Variants in C1QTNF2 observed in about 807,000 individuals in gnomAD.
The protein encoded by C1QTNF2 is C1q and TNF related 2.
In C1QTNF2, 15 loss-of-function variants were observed where a neutral mutation model predicts 17.4. The observed-to-expected ratio is 0.86, with a 90% CI of 0.58 to 1.33. The LOEUF is 1.33. C1QTNF2 is among the 40% of genes most tolerant of loss of function. The pLI, the probability that C1QTNF2 is intolerant of heterozygous loss-of-function variation, is 0.00. For synonymous variants in C1QTNF2, 154 were observed against 163.3 expected (o/e 0.94, Z 0.44); for missense variants, 381 against 392.3 (o/e 0.97, Z 0.24).
At chr5:160,364,355 C>T (rs1042044778) in intron 1 of C1QTNF2, among the ~76,000 whole-genome samples, 2 of 152,178 alleles carry the variant, frequency 1.3e-5, no homozygotes, top group Non-Finnish European at 2.9e-5. Flanking sequence ...CTCCTCCTCT[C>T]CAACATGAAC....
At chr5:160,351,221 T>C (rs1291906666) in intron 2 of C1QTNF2, among the ~76,000 whole-genome samples, 1 of 152,224 alleles carries the variant, frequency 6.6e-6, no homozygotes, top group Non-Finnish European at 1.5e-5. Flanking sequence ...AATGCACATT[T>C]CTCTCAATCC....
In C1QTNF2 at chr5:160,349,371, G is replaced by A. The variant is rs552227383; in HGVS notation, c.655C>T (p.Arg219Cys). ...GTGTTGGCATCAAAGGTCCGGATGC[G>A]GTACTGGCCGTTGTGCACCAGGCCG... is the stretch of plus-strand genomic sequence containing the variant. ...AIGLVHNGQY[R>C]IRTFDANTGN... Residue 219 changes from arginine to cysteine, a missense_variant, in exon 3 of 3, where the codon CGC becomes TGC. Physicochemically the swap from Arg to Cys is radical, Grantham distance 180. Coordinates refer to ENST00000652664, the MANE Select transcript of C1QTNF2 (RefSeq NM_031908.6). This position sits in a 1 kb window ranked among gnomAD's most constrained non-coding sequence, Gnocchi z 4.3. 25 of 1,614,012 alleles carry A rather than the reference G, an allele frequency of 1.5e-5. No individual in the cohort carries two copies. The highest frequency in any genetic ancestry group is 5.5e-5 in the South Asian group (5 of 91,080).
Position 160,354,941 on chromosome 5 carries a change from C to G in C1QTNF2, c.71G>C (p.Arg24Pro), listed in dbSNP as rs369887111. The change falls in exon 2 of 3, where the codon CGC (arginine) becomes CCC (proline). Residue 24 changes from arginine to proline, a missense_variant. Physicochemically the swap from Arg to Pro is moderately radical, Grantham distance 103. Transcript: ENST00000652664. ...AGGGGAGCCTTTCCGGAAGTCCCTGCGAGCAAAGGCGCCAAGCAGTGGGTC... is the reference window on the plus strand; with the variant it reads ...AGGGGAGCCTTTCCGGAAGTCCCTGGGAGCAAAGGCGCCAAGCAGTGGGTC... ...AADPLLGAFA[R>P]RDFRKGSPQL... 31 of 1,595,234 alleles carry G rather than the reference C, an allele frequency of 1.9e-5. No homozygotes were observed. In the East Asian group the frequency reaches 6.6e-4, roughly 34 times the overall value.
intron 1 of C1QTNF2, among the ~76,000 whole-genome samples, chr5:160,365,883 G>A (rs1764239439): frequency 6.6e-6 from 1 of 152,204 alleles, no homozygotes; most frequent in African/African-American, 2.4e-5. Context: ...TTATGCTATA[G>A]CCACATAACA....
chr5:160,359,751 T>C (rs1348360894), intron 1 of C1QTNF2, among the ~76,000 whole-genome samples: 1 of 152,108 alleles, frequency 6.6e-6, no homozygotes, highest in Non-Finnish European at 1.5e-5. Flanking sequence ...GCCCCTCTGG[T>C]GTGTTAATGG....
At chr5:160,360,491 C>A (rs1764133815) in intron 1 of C1QTNF2, among the ~76,000 whole-genome samples, 1 of 152,096 alleles carries the variant, frequency 6.6e-6, no homozygotes, top group Non-Finnish European at 1.5e-5. Flanking sequence ...TGCTTTTGAC[C>A]CCTTACAGTA....
At chr5:160,354,690 A>C (rs970734590) in intron 2 of C1QTNF2, 78 bp downstream of exon 2, 67 of 1,537,006 alleles carry the variant, frequency 4.4e-5, no homozygotes, top group Non-Finnish European at 5.6e-5. Flanking sequence ...TACTAGTTTT[A>C]TTAACTTCAT....
intron 1 of C1QTNF2, among the ~76,000 whole-genome samples, chr5:160,356,496 G>A (rs916521995): frequency 6.6e-6 from 1 of 152,244 alleles, no homozygotes; most frequent in African/African-American, 2.4e-5. Context: ...TCCAAGGGAT[G>A]CTGCTGATGG....
At position 160,354,918 on chromosome 5, in the gene C1QTNF2, G is replaced by C. The variant is rs746098114; in HGVS notation, c.94C>G (p.Pro32Ala). The change falls in exon 2 of 3, where the codon CCT (proline) becomes GCT (alanine). Residue 32 changes from proline to alanine, a missense_variant. Transcript: ENST00000652664. ...CCAGGCAGGCTGCAGACCAGTTGAGGGGAGCCTTTCCGGAAGTCCCTGCGA... is the reference window on the plus strand; with the variant it reads ...CCAGGCAGGCTGCAGACCAGTTGAGCGGAGCCTTTCCGGAAGTCCCTGCGA... Reference protein sequence around the residue: ...FARRDFRKGSPQLVCSLPGPQ... With the variant: ...FARRDFRKGSAQLVCSLPGPQ... 8 of 1,600,732 alleles carry C rather than the reference G, an allele frequency of 5.0e-6. No individual in the cohort carries two copies. Among genetic ancestry groups the C allele is most frequent in the South Asian group, 1.1e-5 (1 of 88,830 alleles).
chr5:160,349,425 T>TGTC lies in C1QTNF2; in HGVS notation c.598_600dup (p.Asp200dup). On this transcript the variant is annotated inframe_insertion, in exon 3 of 3. Coordinates refer to ENST00000652664, the MANE Select transcript of C1QTNF2 (RefSeq NM_031908.6). This position sits in a 1 kb window ranked among gnomAD's most constrained non-coding sequence, Gnocchi z 4.3. ...GCCAGGTGCTTGTTGGCCAGCGTGA[T>TGTC]GTCGTAGGTGAAGTAGTAGATCCCA... 6.2e-7 allele frequency: 1 copy of TGTC among 1,613,946 alleles called. No individual in the cohort carries two copies. Among genetic ancestry groups the TGTC allele is most frequent in the Non-Finnish European group, 8.5e-7 (1 of 1,179,972 alleles).
rs1006268958 is a variant in C1QTNF2 at position 160,349,970 on chromosome 5, C to T, written c.245-189G>A. ...TCTCTGGAAAATGGAAATGATGATA[C>T]TTACCTTCAAGAATCACTGTGGATC... is the stretch of plus-strand genomic sequence containing the variant. On this transcript the variant is annotated intron_variant, in intron 2 of 2. Transcript: ENST00000652664. The surrounding 1 kb of genome is among the most constrained non-coding windows in gnomAD (Gnocchi z 4.3). Among the ~76,000 whole-genome samples the T allele has an allele frequency of 6.6e-6, 1 of 152,234 alleles. No individual in the cohort carries two copies. The highest frequency in any genetic ancestry group is 6.5e-5 in the Admixed American group (1 of 15,288).
chr5:160,355,764 A>G (rs952305090), intron 1 of C1QTNF2, among the ~76,000 whole-genome samples: 1 of 152,194 alleles, frequency 6.6e-6, no homozygotes, highest in African/African-American at 2.4e-5. Flanking sequence ...GCAGCCCAAC[A>G]CAAGTTTTGT....
At chr5:160,354,631 T>TAGAGAGATAGATAG (rs1554127203) in intron 2 of C1QTNF2, 137 bp downstream of exon 2, 1 of 223,566 alleles carries the variant, frequency 4.5e-6, no homozygotes, top group African/African-American at 3.1e-5. Context: ...TATATATATA[T>TAGAGAGATAGATAG]ATAGATTTAT....
chr5:160,358,992 T>C (rs1447285397), intron 1 of C1QTNF2, among the ~76,000 whole-genome samples: 1 of 152,102 alleles, frequency 6.6e-6, no homozygotes, highest in Non-Finnish European at 1.5e-5. Context: ...TGTCATCCGC[T>C]GGTCTCAAAC....
chr5:160,354,287 C>T (rs1352233313), intron 2 of C1QTNF2, among the ~76,000 whole-genome samples: 2 of 152,072 alleles, frequency 1.3e-5, no homozygotes, highest in Non-Finnish European at 2.9e-5. Context: ...TCAGAATAAA[C>T]TGCTCTGAGG....
intron 1 of C1QTNF2, among the ~76,000 whole-genome samples, chr5:160,359,470 C>T (rs1764111585): frequency 6.6e-6 from 1 of 152,208 alleles, no homozygotes; most frequent in South Asian, 2.1e-4. Flanking sequence ...AAATATTCCA[C>T]ATTACAGAAA....
chr5:160,350,175 T>C (rs1307579793), intron 2 of C1QTNF2, among the ~76,000 whole-genome samples: 1 of 152,200 alleles, frequency 6.6e-6, no homozygotes, highest in Non-Finnish European at 1.5e-5. Flanking sequence ...CCCTGCCTAG[T>C]GCATATAAGC....
chr5:160,369,253 A>G (rs535213915), intron 1 of C1QTNF2, among the ~76,000 whole-genome samples: 41 of 152,214 alleles, frequency 2.7e-4, no homozygotes, highest in African/African-American at 9.2e-4. Flanking sequence ...TTACTTTTAT[A>G]ACATTTAAAA....
intron 1 of C1QTNF2, among the ~76,000 whole-genome samples, chr5:160,360,026 C>T (rs1764123968): frequency 6.6e-6 from 1 of 152,172 alleles, no homozygotes; most frequent in South Asian, 2.1e-4. Flanking sequence ...CTCACGGCTC[C>T]ACCCTCTTGG....
Sources: allele counts gnomAD v4.1 joint callset (sites outside exome capture counted in the v4.1 genomes callset), GRCh38; gene constraint gnomAD v4.1.1; non-coding constraint Gnocchi (gnomAD v3.1); transcripts MANE v1.5; gene names NCBI Gene and HGNC (gene_info 2026-07-23, HGNC 2026-07-21).